LMBR1: variants seen among roughly 807,000 people sequenced by gnomAD.
The protein encoded by LMBR1 is limb region 1 protein homolog.
Under a neutral mutation model 73.9 loss-of-function variants are expected in LMBR1, and 52 were observed. The observed-to-expected ratio is 0.70, with a 90% CI of 0.56 to 0.89. The LOEUF (loss-of-function observed/expected upper bound fraction) is 0.89, where lower values mean the gene tolerates loss of function less well. Among genes scored for constraint, LMBR1 ranks in the 40% least tolerant of loss-of-function variants. LMBR1 has a pLI of 0.00. For synonymous variants in LMBR1, 215 were observed against 209.4 expected, an observed-to-expected ratio of 1.03 and a Z score of -0.23; for missense variants, 539 against 579.8, an observed-to-expected ratio of 0.93 and a Z score of 0.72.
chr7:156,682,190 A>G lies in LMBR1; in HGVS notation c.*1888T>C, dbSNP rs1007958047. ...CGGATGGAGAGAAACTTCCAAATGAACAAAAAGTTGAGCTAAACACTGAAA... is the reference window on the plus strand; with the variant it reads ...CGGATGGAGAGAAACTTCCAAATGAGCAAAAAGTTGAGCTAAACACTGAAA... On this transcript the variant is annotated 3_prime_UTR_variant, in exon 17 of 17. Coordinates refer to ENST00000353442, the MANE Select transcript of LMBR1 (RefSeq NM_022458.4). 2 of 152,260 alleles carry G rather than the reference A, an allele frequency of 1.3e-5. No individual in the cohort carries two copies. The highest frequency in any genetic ancestry group is 4.8e-5 in the African/African-American group (2 of 41,464). The allele number at this position is 152,260 out of a possible 1,614,324, so 9.4% of individuals were successfully genotyped here.
rs910544846 is a variant in LMBR1 at position 156,680,890 on chromosome 7, G to A, written c.*3188C>T. The stretch of plus-strand genomic sequence containing the variant: ...TAAACCAAATATGAAATCACTTTTT[G>A]TACAACTTTTAATTTCTAAGACATT... On this transcript the variant is annotated 3_prime_UTR_variant, in exon 17 of 17. Coordinates refer to ENST00000353442, the MANE Select transcript of LMBR1 (RefSeq NM_022458.4). The A allele has an allele frequency of 5.1e-5, 12 of 234,514 alleles. No individual in the cohort carries two copies. Among genetic ancestry groups the A allele is most frequent in the Non-Finnish European group, 7.5e-5 (9 of 120,276 alleles). 14.5% of individuals were successfully genotyped at this position (234,514 alleles called of 1,614,324 possible).
At chr7:156,725,192 T>C (rs1318602854) in intron 14 of LMBR1, among the ~76,000 whole-genome samples, 3 of 152,306 alleles carry the variant, frequency 2.0e-5, no homozygotes, top group South Asian at 2.1e-4. Flanking sequence ...TCAGGAGCCT[T>C]CTATAGCTAG....
chr7:156,882,784 G>A (rs1232932888), intron 1 of LMBR1, among the ~76,000 whole-genome samples: 2 of 152,232 alleles, frequency 1.3e-5, no homozygotes, highest in Non-Finnish European at 2.9e-5. Flanking sequence ...TGTAATCCCA[G>A]TACTCTGAGA....
intron 4 of LMBR1, among the ~76,000 whole-genome samples, chr7:156,816,978 T>G (rs1450084012): frequency 2.0e-5 from 3 of 152,174 alleles, no homozygotes; most frequent in Admixed American, 6.5e-5. Context: ...AAATTACATA[T>G]TTCCATATAG....
intron 4 of LMBR1, chr7:156,823,185 T>C (rs568396654): frequency 3.2e-4 from 49 of 151,324 alleles, no homozygotes; most frequent in African/African-American, 1.1e-3. Context: ...CTATATTTTA[T>C]AAATTAAAAT....
chr7:156,717,963 G>A (rs1046629682), intron 15 of LMBR1, among the ~76,000 whole-genome samples: 5 of 152,080 alleles, frequency 3.3e-5, no homozygotes, highest in Admixed American at 6.5e-5. Context: ...AGTGGCGGCC[G>A]GATCTCTAAT....
At chr7:156,836,704 C>T (rs557756115) in intron 2 of LMBR1, 109 bp downstream of exon 2, 23 of 626,126 alleles carry the variant, frequency 3.7e-5, no homozygotes, top group Middle Eastern at 3.5e-4. Context: ...CTTCAATCAC[C>T]GGCATATTCA....
intron 9 of LMBR1, among the ~76,000 whole-genome samples, chr7:156,753,797 A>T (rs1401519721): frequency 2.6e-5 from 4 of 152,082 alleles, no homozygotes; most frequent in African/African-American, 9.7e-5. Context: ...CTCTGTGGAC[A>T]TCTCTCTACT....
At chr7:156,841,914 A>G (rs1156848449) in intron 1 of LMBR1, among the ~76,000 whole-genome samples, 1 of 151,636 alleles carries the variant, frequency 6.6e-6, no homozygotes, top group Non-Finnish European at 1.5e-5. Flanking sequence ...TGAATAATCC[A>G]GTAGAGAGAA....
chr7:156,728,559 T>C, intron 11 of LMBR1, 85 bp downstream of exon 11: 2 of 905,156 alleles, frequency 2.2e-6, no homozygotes, highest in Non-Finnish European at 3.4e-6. Flanking sequence ...TGAAAAACCA[T>C]TTAGCTGAGG....
At chr7:156,811,773 C>A (rs1299794755) in intron 4 of LMBR1, among the ~76,000 whole-genome samples, 1 of 152,144 alleles carries the variant, frequency 6.6e-6, no homozygotes, top group African/African-American at 2.4e-5. Flanking sequence ...AAACAAAGCA[C>A]CACAAACCGA....
chr7:156,712,554 C>T (rs1361917532), intron 15 of LMBR1, among the ~76,000 whole-genome samples: 1 of 152,128 alleles, frequency 6.6e-6, no homozygotes, highest in African/African-American at 2.4e-5. Context: ...CAAAAAGATG[C>T]CTGCACTCAT....
intron 9 of LMBR1, among the ~76,000 whole-genome samples, chr7:156,753,911 TTCC>T (rs1258591652): frequency 1.3e-5 from 2 of 152,206 alleles, no homozygotes; most frequent in Admixed American, 1.3e-4. Flanking sequence ...TTCCTCTCTA[TTCC>T]TTTTTTTCAA....
In LMBR1 at chr7:156,836,085, T is replaced by C. The variant is rs1404564666; in HGVS notation, c.139+728A>G. Among the ~76,000 whole-genome samples the C allele has an allele frequency of 2.0e-5, 3 of 152,190 alleles. No individual in the cohort carries two copies. The East Asian group carries it at 5.8e-4, about 29-fold the overall frequency. ...AAGTAACAGTACTAAACTAATACAC[T>C]AGAGCAGGCACTATAACCTATTTCT... is the stretch of plus-strand genomic sequence containing the variant. On this transcript the variant is annotated intron_variant, in intron 2 of 16. Transcript: ENST00000353442.
intron 15 of LMBR1, among the ~76,000 whole-genome samples, chr7:156,713,261 G>A (rs1224957427): frequency 1.3e-5 from 2 of 152,112 alleles, no homozygotes; most frequent in East Asian, 3.9e-4. Flanking sequence ...AAATAGACAG[G>A]GCACGGAGGA....
chr7:156,831,610 T>C (rs996102503), intron 3 of LMBR1, among the ~76,000 whole-genome samples: 2 of 152,182 alleles, frequency 1.3e-5, no homozygotes, highest in African/African-American at 2.4e-5. Flanking sequence ...AGGAAGAGGA[T>C]TTCTGTATGC....
intron 1 of LMBR1, among the ~76,000 whole-genome samples, chr7:156,887,982 T>TA (rs565550511): frequency 2.6e-5 from 4 of 151,978 alleles, no homozygotes; most frequent in South Asian, 2.1e-4. Context: ...ACATCCATTT[T>TA]AAAAAAAAGA....
chr7:156,691,085 T>A (rs1253882860), intron 15 of LMBR1, among the ~76,000 whole-genome samples: 4 of 152,198 alleles, frequency 2.6e-5, no homozygotes, highest in African/African-American at 9.6e-5. Flanking sequence ...GCAAATTTTT[T>A]AAAATACTAC....
chr7:156,718,272 C>T lies in LMBR1; in HGVS notation c.1225+5840G>A, dbSNP rs112460765. Among the ~76,000 whole-genome samples the T allele has an allele frequency of 3.6e-3, 543 of 151,660 alleles. 5 individuals are homozygous for T. Among genetic ancestry groups the T allele is most frequent in the African/African-American group, 0.012 (494 of 41,310 alleles). ...AAAATTAGCTGGGCATGGTGGCAGG[C>T]GCCTGTAATCCCAGGTACTTGCGAG... is the stretch of plus-strand genomic sequence containing the variant. On this transcript the variant is annotated intron_variant, in intron 15 of 16. Coordinates refer to ENST00000353442, the MANE Select transcript of LMBR1 (RefSeq NM_022458.4).
Sources: gnomAD v4.1 joint callset for allele counts (sites outside exome capture counted in the v4.1 genomes callset) on GRCh38, gnomAD v4.1.1 for gene constraint, MANE v1.5 for transcripts, NCBI Gene and HGNC (gene_info 2026-07-23, HGNC 2026-07-21) for gene names.